The following CLNK variants were observed in gnomAD, a reference collection of about 807,000 sequenced individuals.
The protein encoded by CLNK is cytokine dependent hematopoietic cell linker, also known as cytokine-dependent hematopoietic cell linker.
Under a neutral mutation model 68.6 loss-of-function variants are expected in CLNK, and 74 were observed. That is an observed-to-expected ratio of 1.08 (90% CI 0.89 to 1.31). The LOEUF (loss-of-function observed/expected upper bound fraction) is 1.31. Among genes scored for constraint, CLNK ranks in the 50% most tolerant of loss-of-function variants. The pLI is 0.00. For synonymous variants in CLNK, 198 were observed against 172.2 expected (o/e 1.15, Z -1.17); for missense variants, 553 against 515.3 (o/e 1.07, Z -0.71).
the CLNK span, among the ~76,000 whole-genome samples, chr4:10,693,048 G>A: frequency 1.2e-4 from 18 of 152,288 alleles, no homozygotes; most frequent in East Asian, 7.7e-4. Flanking sequence ...TATCTGTAAC[G>A]CACTTCAGCT....
At chr4:10,663,824 G>T (rs2108890492) in intron 2 of CLNK, among the ~76,000 whole-genome samples, 1 of 152,242 alleles carries the variant, frequency 6.6e-6, no homozygotes, top group South Asian at 2.1e-4. Context: ...GGCTGATTAG[G>T]CCAAGAGGGC....
chr4:10,539,516 C>T (rs1718932108), intron 11 of CLNK, among the ~76,000 whole-genome samples: 1 of 152,182 alleles, frequency 6.6e-6, no homozygotes, highest in Non-Finnish European at 1.5e-5. Flanking sequence ...GAGCATCCTT[C>T]ATTCTATGCA....
chr4:10,496,338 A>G (rs1433791727), intron 18 of CLNK, among the ~76,000 whole-genome samples: 1 of 152,238 alleles, frequency 6.6e-6, no homozygotes, highest in Admixed American at 6.5e-5. Context: ...TGCATTTAGC[A>G]GAGCCTTGCT....
At chr4:10,671,201 C>A (rs1724620590) in intron 1 of CLNK, among the ~76,000 whole-genome samples, 1 of 152,080 alleles carries the variant, frequency 6.6e-6, no homozygotes, top group Admixed American at 6.5e-5. Flanking sequence ...GCCTGGCCAA[C>A]ATGGTGGAAC....
intron 18 of CLNK, among the ~76,000 whole-genome samples, chr4:10,496,097 A>G (rs181130095): frequency 2.0e-5 from 3 of 152,348 alleles, no homozygotes; most frequent in Admixed American, 1.3e-4. Flanking sequence ...ACATGCCTCT[A>G]TGTGTCTGCC....
At chr4:10,530,657 T>A (rs1035571689) in intron 12 of CLNK, among the ~76,000 whole-genome samples, 1 of 152,214 alleles carries the variant, frequency 6.6e-6, no homozygotes, top group Non-Finnish European at 1.5e-5. Context: ...TGTTTGTGAT[T>A]GGAGGGCCTA....
chr4:10,607,221 G>T (rs6448131), intron 2 of CLNK, among the ~76,000 whole-genome samples: 191 of 152,328 alleles, frequency 1.3e-3, no homozygotes, highest in African/African-American at 4.1e-3. Flanking sequence ...AAGGCTTTGA[G>T]CTGGTTTCTG....
At chr4:10,643,920 C>T (rs766628125) in intron 2 of CLNK, among the ~76,000 whole-genome samples, 6 of 152,208 alleles carry the variant, frequency 3.9e-5, no homozygotes, top group Non-Finnish European at 5.9e-5. Context: ...TTGTGAATCT[C>T]AGTGAGCTTG....
intron 1 of CLNK, among the ~76,000 whole-genome samples, chr4:10,684,283 G>C (rs775235089): frequency 4.6e-5 from 7 of 152,098 alleles, no homozygotes; most frequent in Non-Finnish European, 1.0e-4. Flanking sequence ...CTTATACTTT[G>C]AATGACCTAC....
At chr4:10,627,136 T>C (rs1335558917) in intron 2 of CLNK, among the ~76,000 whole-genome samples, 2 of 152,184 alleles carry the variant, frequency 1.3e-5, no homozygotes, top group Admixed American at 1.3e-4. Context: ...GGAAACTTGA[T>C]ATCCATAGAG....
the CLNK span, among the ~76,000 whole-genome samples, chr4:10,716,013 A>C: frequency 5.3e-5 from 8 of 152,244 alleles, no homozygotes; most frequent in Non-Finnish European, 1.2e-4. Context: ...AGAAGGTAGG[A>C]AAGTTTTTTA....
intron 8 of CLNK, among the ~76,000 whole-genome samples, chr4:10,551,914 G>A (rs1282894205): frequency 1.3e-5 from 2 of 149,416 alleles, no homozygotes; most frequent in Non-Finnish European, 3.0e-5. Flanking sequence ...GGGGCATGAT[G>A]TCGTCTCACT....
intron 2 of CLNK, among the ~76,000 whole-genome samples, chr4:10,643,447 T>A (rs1723386736): frequency 6.6e-6 from 1 of 152,246 alleles, no homozygotes; most frequent in Non-Finnish European, 1.5e-5. Flanking sequence ...AAATAGTCTA[T>A]CATGGTTGCC....
the CLNK span, among the ~76,000 whole-genome samples, chr4:10,722,078 G>C: frequency 6.6e-6 from 1 of 152,176 alleles, no homozygotes; most frequent in African/African-American, 2.4e-5. Context: ...GGAGGCTGAA[G>C]TGGGAGGATT....
intron 4 of CLNK, among the ~76,000 whole-genome samples, chr4:10,575,798 G>C (rs535925011): frequency 1.3e-5 from 2 of 152,318 alleles, no homozygotes; most frequent in African/African-American, 4.8e-5. Flanking sequence ...TTTGGAAAAA[G>C]CCTTCCTTTG....
intron 8 of CLNK, among the ~76,000 whole-genome samples, chr4:10,554,655 G>T (rs1719591302): frequency 6.6e-6 from 1 of 152,128 alleles, no homozygotes; most frequent in African/African-American, 2.4e-5. Flanking sequence ...TGAGCCATGG[G>T]TTGTGGCTGA....
chr4:10,545,578 A>G (rs1377327377), intron 8 of CLNK, among the ~76,000 whole-genome samples: 1 of 152,026 alleles, frequency 6.6e-6, no homozygotes, highest in Non-Finnish European at 1.5e-5. Context: ...GCTCACTCCC[A>G]TTACCATAGT....
chr4:10,609,062 A>G (rs1163638605), intron 2 of CLNK, among the ~76,000 whole-genome samples: 1 of 152,222 alleles, frequency 6.6e-6, no homozygotes, highest in Non-Finnish European at 1.5e-5. Flanking sequence ...GGACACAAAC[A>G]TTCAGTTCAT....
At chr4:10,672,780 G>A (rs1048369809) in intron 1 of CLNK, among the ~76,000 whole-genome samples, 1 of 152,196 alleles carries the variant, frequency 6.6e-6, no homozygotes. Context: ...AGGCAGAAGG[G>A]AGTGGACTTG....
Sources: allele counts gnomAD v4.1 joint callset (sites outside exome capture counted in the v4.1 genomes callset), GRCh38; gene constraint gnomAD v4.1.1; transcripts MANE v1.5; gene names NCBI Gene and HGNC (gene_info 2026-07-23, HGNC 2026-07-21).